MGAT5: variants seen among roughly 807,000 people sequenced by gnomAD.
MGAT5 encodes the protein alpha-1,6-mannosylglycoprotein 6-beta-N-acetylglucosaminyltransferase, also known as alpha-1,6-mannosylglycoprotein 6-beta-N-acetylglucosaminyltransferase A.
Under a neutral mutation model 94.3 loss-of-function variants are expected in MGAT5, and 30 were observed. That is an observed-to-expected ratio of 0.32 (90% CI 0.24 to 0.43). MGAT5 has a LOEUF of 0.43. Among genes scored for constraint, MGAT5 ranks in the 20% least tolerant of loss-of-function variants. MGAT5 has a pLI of 1.00. For missense variants in MGAT5, 691 were observed against 905.5 expected (o/e 0.76, Z 3.04); for synonymous variants, 310 against 322.9 (o/e 0.96, Z 0.43).
chr2:134,381,426 A>ATAGATAGC (rs1681601082), intron 10 of MGAT5, among the ~76,000 whole-genome samples: 1 of 148,140 alleles, frequency 6.8e-6, no homozygotes, highest in African/African-American at 2.5e-5. Context: ...AGATAGATAG[A>ATAGATAGC]TAGATAGCCT....
chr2:134,187,974 C>T (rs964279478), intron 1 of MGAT5, among the ~76,000 whole-genome samples: 1 of 152,184 alleles, frequency 6.6e-6, no homozygotes, highest in Admixed American at 6.5e-5. Context: ...AGAGACGGTG[C>T]TGAAAAGGAA....
At chr2:134,205,574 G>A (rs186720109) in intron 1 of MGAT5, among the ~76,000 whole-genome samples, 41 of 152,232 alleles carry the variant, frequency 2.7e-4, no homozygotes, top group Non-Finnish European at 4.7e-4. Context: ...GCTCTCTTTC[G>A]GGCCTGCTAA....
At chr2:134,205,870 G>A (rs1680003171) in intron 1 of MGAT5, among the ~76,000 whole-genome samples, 1 of 152,132 alleles carries the variant, frequency 6.6e-6, no homozygotes, top group African/African-American at 2.4e-5. Flanking sequence ...TCAATGAGAA[G>A]GAGCAGTTCT....
intron 1 of MGAT5, among the ~76,000 whole-genome samples, chr2:134,215,690 C>G (rs1485535339): frequency 1.3e-5 from 2 of 152,166 alleles, no homozygotes; most frequent in African/African-American, 4.8e-5. Context: ...TAAGTTTCAG[C>G]CAGTAAATCC....
At chr2:134,252,675 A>G (rs1023471437), upstream of MGAT5, among the ~76,000 whole-genome samples, 1 of 150,460 alleles carries the variant, frequency 6.6e-6, no homozygotes. Flanking sequence ...GAGGTTGGCA[A>G]ACCTTCTCTG....
chr2:134,378,327 G>T (rs1055113012), intron 10 of MGAT5, among the ~76,000 whole-genome samples: 1 of 152,210 alleles, frequency 6.6e-6, no homozygotes, highest in Non-Finnish European at 1.5e-5. Context: ...GGGAGGCAGA[G>T]CCCATAGCAG....
At chr2:134,275,661 G>A (rs1684315490) in intron 2 of MGAT5, among the ~76,000 whole-genome samples, 1 of 132,306 alleles carries the variant, frequency 7.6e-6, no homozygotes, top group African/African-American at 3.0e-5. Flanking sequence ...ACAGCTCTTT[G>A]CAGCCTCGAC....
intron 7 of MGAT5, among the ~76,000 whole-genome samples, chr2:134,343,653 G>C (rs536208180): frequency 6.6e-6 from 1 of 152,316 alleles, no homozygotes; most frequent in East Asian, 1.9e-4. Flanking sequence ...ACAGCCATAA[G>C]TATTTTGTGA....
At position 134,450,822 on chromosome 2, in the gene MGAT5, G is replaced by GTGTGTGTA. The variant is rs1686064582; in HGVS notation, c.*1982_*1983insATGTGTGT. The GTGTGTGTA allele has an allele frequency of 7.0e-6, 1 of 142,062 alleles. No homozygotes were observed. The highest frequency in any genetic ancestry group is 1.5e-5 in the Non-Finnish European group (1 of 68,190). 8.8% of individuals were successfully genotyped at this position (142,062 alleles called of 1,614,324 possible). On this transcript the variant is annotated 3_prime_UTR_variant, in exon 16 of 16. Coordinates refer to ENST00000281923, the MANE Select transcript of MGAT5 (RefSeq NM_002410.5). Reference sequence around the variant, plus strand: ...TGTGTGTGTGTGTGTGTGTGTGTGTGTGTGTGTGTATGAGCCTGTGCATTT... The same window carrying GTGTGTGTA: ...TGTGTGTGTGTGTGTGTGTGTGTGTGTGTGTGTATGTGTGTGTATGAGCCTGTGCATTT...
chr2:134,124,676 A>G (rs1208380678), intron 1 of MGAT5, among the ~76,000 whole-genome samples: 3 of 152,178 alleles, frequency 2.0e-5, no homozygotes, highest in East Asian at 1.9e-4. Context: ...TCTCCACTCT[A>G]TTTCCTGACA....
At position 134,357,131 on chromosome 2, in the gene MGAT5, G is replaced by A. The variant is rs75880525; in HGVS notation, c.1247-5144G>A. Among the ~76,000 whole-genome samples the A allele has an allele frequency of 2.4e-3, 372 of 152,294 alleles. 7 individuals are homozygous for A. Among genetic ancestry groups the A allele is most frequent in the East Asian group, 0.022 (112 of 5,182 alleles). On this transcript the variant is annotated intron_variant, in intron 9 of 15. Coordinates refer to ENST00000281923, the MANE Select transcript of MGAT5 (RefSeq NM_002410.5). ...GCATTCAGAAAGTCTTTTATTGATA[G>A]AATTAAACTAGAATGAACAATATTG...
chr2:134,335,981 C>A (rs17783590), intron 4 of MGAT5, among the ~76,000 whole-genome samples: 1 of 152,024 alleles, frequency 6.6e-6, no homozygotes. Context: ...TAAAGTACTT[C>A]GAAGGACAGA....
chr2:134,204,251 A>G (rs558936008), intron 1 of MGAT5, among the ~76,000 whole-genome samples: 2 of 152,258 alleles, frequency 1.3e-5, no homozygotes, highest in Admixed American at 6.5e-5. Flanking sequence ...GTATTCATCT[A>G]TTAAAGGAGA....
chr2:134,202,527 G>A (rs939382777), intron 1 of MGAT5, among the ~76,000 whole-genome samples: 3 of 152,186 alleles, frequency 2.0e-5, no homozygotes, highest in Non-Finnish European at 4.4e-5. Context: ...AAAGTGTTTC[G>A]TTTTACTAGG....
intron 1 of MGAT5, among the ~76,000 whole-genome samples, chr2:134,169,425 C>CACAG (rs1553487216): frequency 1.2e-4 from 18 of 151,608 alleles, no homozygotes; most frequent in African/African-American, 3.9e-4. Context: ...CACACACACA[C>CACAG]ACACACACAC....
At chr2:134,414,235 T>G (rs1683838197) in intron 12 of MGAT5, among the ~76,000 whole-genome samples, 2 of 151,540 alleles carry the variant, frequency 1.3e-5, no homozygotes, top group African/African-American at 4.9e-5. Context: ...TATTAAGAGG[T>G]CAGTTTGTTC....
At chr2:134,243,796 AAC>A (rs1682092465) in intron 1 of MGAT5, among the ~76,000 whole-genome samples, 1 of 152,148 alleles carries the variant, frequency 6.6e-6, no homozygotes, top group Non-Finnish European at 1.5e-5. Context: ...GGGCAGCTGG[AAC>A]ACTCCTGGGG....
At chr2:134,362,094 C>T (rs917786194) in intron 9 of MGAT5, among the ~76,000 whole-genome samples, 181 bp from the exon 10 acceptor site, 2 of 152,178 alleles carry the variant, frequency 1.3e-5, no homozygotes, top group Non-Finnish European at 1.5e-5. Context: ...TTCTTCATGA[C>T]GGTTTTACTG....
intron 1 of MGAT5, among the ~76,000 whole-genome samples, chr2:134,239,723 G>T (rs1681867903): frequency 6.6e-6 from 1 of 151,758 alleles, no homozygotes; most frequent in African/African-American, 2.4e-5. Flanking sequence ...GGATCTAGGG[G>T]GGCCGGTATT....
Sources: gnomAD v4.1 joint callset for allele counts (sites outside exome capture counted in the v4.1 genomes callset) on GRCh38, gnomAD v4.1.1 for gene constraint, MANE v1.5 for transcripts, NCBI Gene and HGNC (gene_info 2026-07-23, HGNC 2026-07-21) for gene names.